TANC1: variants seen among roughly 807,000 people sequenced by gnomAD.
TANC1 encodes the protein protein TANC1.
In TANC1, 77 loss-of-function variants were observed where a neutral mutation model predicts 149.7. The ratio of observed to expected loss-of-function variants is 0.51; its 90% CI spans 0.43 to 0.62. TANC1 has a LOEUF of 0.62. Among genes scored for constraint, TANC1 ranks in the 20% least tolerant of loss-of-function variants. TANC1 has a pLI of 0.00. For synonymous variants in TANC1, 854 were observed against 925.0 expected (o/e 0.92, Z 1.39); for missense variants, 1,985 against 2,321.8 (o/e 0.85, Z 2.98).
intron 10 of TANC1, 141 bp downstream of exon 10, chr2:159,170,946 A>G: frequency 1.1e-6 from 1 of 922,896 alleles, no homozygotes; most frequent in Non-Finnish European, 1.6e-6. Context: ...TGTGAAGTGA[A>G]CTGTTTCAAT....
At chr2:158,981,470 T>G (rs2034300421) in intron 1 of TANC1, among the ~76,000 whole-genome samples, 1 of 129,242 alleles carries the variant, frequency 7.7e-6, no homozygotes, top group South Asian at 2.5e-4. Context: ...TTTAAAAAGT[T>G]TAGCAATTAA....
intron 4 of TANC1, among the ~76,000 whole-genome samples, chr2:159,101,735 T>C (rs2046732336): frequency 6.6e-6 from 1 of 152,208 alleles, no homozygotes; most frequent in African/African-American, 2.4e-5. Context: ...CTGTGATTTA[T>C]TAGTAATATC....
At chr2:159,040,571 T>C (rs2040549815) in intron 2 of TANC1, among the ~76,000 whole-genome samples, 1 of 152,222 alleles carries the variant, frequency 6.6e-6, no homozygotes, top group Admixed American at 6.5e-5. Flanking sequence ...AGCTTGTGCA[T>C]GCATCATGTA....
Position 159,229,928 on chromosome 2 carries a change from C to T in TANC1, c.4502C>T (p.Pro1501Leu), listed in dbSNP as rs778419398. ...GAAGGGTTACAGTCCAAAGGAAGGCCGGTATCGCCACAGAGCAGGGCAGGA... is the reference window on the plus strand; with the variant it reads ...GAAGGGTTACAGTCCAAAGGAAGGCTGGTATCGCCACAGAGCAGGGCAGGA... ...LQEGLQSKGR[P>L]VSPQSRAGIG... Residue 1501 changes from proline to leucine, a missense_variant, in exon 27 of 27, where the codon CCG (proline) becomes CTG (leucine). Coordinates refer to ENST00000263635, the MANE Select transcript of TANC1 (RefSeq NM_033394.3). 3.1e-6 allele frequency: 5 copies of T among 1,614,044 alleles called. No individual in the cohort carries two copies. In the East Asian group the frequency reaches 6.7e-5, roughly 22 times the overall value.
At chr2:159,157,925 G>A (rs944537584) in intron 7 of TANC1, among the ~76,000 whole-genome samples, 19 of 152,152 alleles carry the variant, frequency 1.2e-4, no homozygotes, top group Admixed American at 6.5e-4. Context: ...CTGCAACCCA[G>A]GGAAGGACAA....
chr2:159,162,638 G>C (rs193203992), intron 7 of TANC1, among the ~76,000 whole-genome samples: 50 of 152,258 alleles, frequency 3.3e-4, no homozygotes, highest in Non-Finnish European at 6.2e-4. Context: ...TGTGAATTCT[G>C]CAGTCATAGT....
At position 159,146,267 on chromosome 2, in the gene TANC1, T is replaced by C. The variant is rs9653276; in HGVS notation, c.365-2875T>C. Reference sequence around the variant, plus strand: ...GAAGGGAGAGATTCAGACAGCTTCATTGGATTAAGGAATTCAGACTGAAGG... The same window carrying C: ...GAAGGGAGAGATTCAGACAGCTTCACTGGATTAAGGAATTCAGACTGAAGG... On this transcript the variant is annotated intron_variant, in intron 5 of 26. Coordinates refer to ENST00000263635, the MANE Select transcript of TANC1 (RefSeq NM_033394.3). Among the ~76,000 whole-genome samples, 591 of 152,274 alleles carry C rather than the reference T, an allele frequency of 3.9e-3. 1 individual carries two copies. Among genetic ancestry groups the C allele is most frequent in the African/African-American group, 0.014 (574 of 41,532 alleles).
chr2:159,106,088 T>C (rs1031211680), intron 4 of TANC1, among the ~76,000 whole-genome samples: 1 of 152,232 alleles, frequency 6.6e-6, no homozygotes, highest in East Asian at 1.9e-4. Flanking sequence ...TTGTGATTTA[T>C]TCCATTGCAT....
chr2:159,097,631 C>A lies in TANC1; in HGVS notation c.62-6C>A. On this transcript the variant is annotated splice_polypyrimidine_tract_variant and splice_region_variant and intron_variant, in intron 3 of 26. Coordinates refer to ENST00000263635, the MANE Select transcript of TANC1 (RefSeq NM_033394.3). ...GTTTAACCTAAGTATTCTCTCTCTA[C>A]TCTAGGAAGTGACTTTGGTCCAGAG... The A allele has an allele frequency of 1.2e-6, 2 of 1,610,220 alleles. No homozygotes were observed. The highest frequency in any genetic ancestry group is 1.7e-4 in the Middle Eastern group (1 of 6,050).
intron 4 of TANC1, 147 bp from the exon 5 acceptor site, chr2:159,136,047 T>TGTGTGTGTGTGC (rs1457762905): frequency 0.032 from 6,814 of 210,854 alleles, 996 homozygotes; most frequent in Middle Eastern, 0.046. Flanking sequence ...TGTGTGTGTG[T>TGTGTGTGTGTGC]GTGCGCGCGC....
Position 159,219,251 on chromosome 2 carries a change from T to C in TANC1, c.3392T>C (p.Leu1131Pro). Residue 1131 changes from leucine (L) to proline (P), a missense_variant, in exon 21 of 27, where the codon CTG (leucine) becomes CCG (proline). Physicochemically the swap from Leu to Pro is moderately conservative, Grantham distance 98 (BLOSUM62 -3). Around this residue, in one of 3 missense-constraint regions of TANC1, gnomAD observed 920 missense variants for 994.7 expected, o/e 0.92. Coordinates refer to ENST00000263635, the MANE Select transcript of TANC1 (RefSeq NM_033394.3). ...RQGHWQIVRLLLERGCDVNLS... is the reference protein window; with the variant it reads ...RQGHWQIVRLPLERGCDVNLS... ...TGTCTCTTCCAGATTGTTAGACTGC[T>C]GTTGGAACGCGGCTGTGATGTGAAC... 1 of 1,614,190 alleles carries C rather than the reference T, an allele frequency of 6.2e-7. No individual in the cohort carries two copies. The highest frequency in any genetic ancestry group is 8.5e-7 in the Non-Finnish European group (1 of 1,180,042).
At chr2:159,060,937 A>T (rs2042192680) in intron 2 of TANC1, among the ~76,000 whole-genome samples, 1 of 152,242 alleles carries the variant, frequency 6.6e-6, no homozygotes, top group African/African-American at 2.4e-5. Flanking sequence ...CATGCTGTGC[A>T]GAATTCAAAT....
chr2:159,222,582 G>A (rs1490224682), intron 22 of TANC1, among the ~76,000 whole-genome samples: 1 of 152,136 alleles, frequency 6.6e-6, no homozygotes, highest in African/African-American at 2.4e-5. Flanking sequence ...TCCTTTGTAA[G>A]GATGAATATT....
Position 159,227,833 on chromosome 2 carries a change from A to G in TANC1, c.3918A>G (p.Lys1306=), listed in dbSNP as rs1272241489. 1.9e-6 allele frequency: 3 copies of G among 1,613,758 alleles called. No homozygotes were observed. Among genetic ancestry groups the G allele is most frequent in the Non-Finnish European group, 2.5e-6 (3 of 1,179,928 alleles). The change falls in exon 25 of 27, where the codon AAA becomes AAG. Residue 1306 remains lysine, a synonymous_variant. Coordinates refer to ENST00000263635, the MANE Select transcript of TANC1 (RefSeq NM_033394.3). The stretch of plus-strand genomic sequence containing the variant: ...TTGAATCCTAGAAAGGGAAAATGAA[A>G]GAGGCAGCCCAGAGGTACCAGTATG... The part of the protein sequence containing the change: ...GNVMYKKGKM[K]EAAQRYQYAL...
chr2:159,016,376 G>A (rs1036192929), intron 2 of TANC1, among the ~76,000 whole-genome samples: 1 of 152,124 alleles, frequency 6.6e-6, no homozygotes, highest in Admixed American at 6.6e-5. Flanking sequence ...GGAATTATGG[G>A]AGTACAATTC....
rs772607648 is a variant in TANC1 at position 159,229,749 on chromosome 2, C to T, written c.4323C>T (p.Asn1441=). 5.6e-6 allele frequency: 9 copies of T among 1,614,014 alleles called. No individual in the cohort carries two copies. The highest frequency in any genetic ancestry group is 5.0e-5 in the Admixed American group (3 of 60,016). Residue 1441 remains asparagine, a synonymous_variant, in exon 27 of 27, where the codon AAC becomes AAT. Coordinates refer to ENST00000263635, the MANE Select transcript of TANC1 (RefSeq NM_033394.3). ...PLPAPLNDSE[N]EEDTPTPGLS... is the part of the protein sequence containing the mutation. ...CAGCTCCACTCAACGACTCCGAGAA[C>T]GAAGAGGACACCCCAACCCCTGGCT...
chr2:159,084,887 A>T (rs1247736199), intron 3 of TANC1, among the ~76,000 whole-genome samples: 1 of 152,194 alleles, frequency 6.6e-6, no homozygotes, highest in Admixed American at 6.5e-5. Flanking sequence ...CTCCGGAGTC[A>T]AACTGGCTGG....
At chr2:158,981,408 GC>G (rs941895829) in intron 1 of TANC1, among the ~76,000 whole-genome samples, 6 of 148,962 alleles carry the variant, frequency 4.0e-5, no homozygotes, top group African/African-American at 1.5e-4. Flanking sequence ...GCTGCTGCAA[GC>G]TATGATTGAA....
At chr2:159,137,116 G>T (rs534746312) in intron 5 of TANC1, among the ~76,000 whole-genome samples, 2 of 152,292 alleles carry the variant, frequency 1.3e-5, no homozygotes, top group Non-Finnish European at 2.9e-5. Flanking sequence ...ATGTAGCAAT[G>T]CTGAAAGAGA....
Sources: allele counts gnomAD v4.1 joint callset (sites outside exome capture counted in the v4.1 genomes callset), GRCh38; gene constraint gnomAD v4.1.1; regional missense constraint gnomAD v4.1.1; transcripts MANE v1.5; gene names NCBI Gene and HGNC (gene_info 2026-07-23, HGNC 2026-07-21).